COL21A1: variants seen among roughly 807,000 people sequenced by gnomAD.
COL21A1 encodes the protein collagen alpha-1(XXI) chain.
In COL21A1, 149 loss-of-function variants were observed where a neutral mutation model predicts 137.9. That is an observed-to-expected ratio of 1.08 (90% CI 0.95 to 1.24). The LOEUF is 1.24. Ranked by LOEUF, COL21A1 falls within the 50% of genes most tolerant of loss-of-function variation. COL21A1 has a pLI of 0.00. For missense variants in COL21A1, 1,167 were observed against 1,158.4 expected (o/e 1.01, Z -0.11); for synonymous variants, 456 against 391.5 (o/e 1.16, Z -1.95).
rs79553599 is a variant in COL21A1 at position 56,265,625 on chromosome 6, C to T, written c.-38-82969G>A. ...CCTTTACCTAAAGAAGACTCCATATCCCATGGTTCCCACTGGTGACAGATC... is the reference window on the plus strand; with the variant it reads ...CCTTTACCTAAAGAAGACTCCATATTCCATGGTTCCCACTGGTGACAGATC... On this transcript the variant is annotated intron_variant, in intron 1 of 28. Coordinates refer to the COL21A1 transcript ENST00000370819. 9.8e-4 allele frequency among the ~76,000 whole-genome samples: 150 copies of T among 152,314 alleles called. 3 individuals are homozygous for T. The highest frequency in any genetic ancestry group is 6.2e-3 in the East Asian group (32 of 5,176).
intron 1 of COL21A1, among the ~76,000 whole-genome samples, chr6:56,360,549 G>A (rs928934838): frequency 2.6e-5 from 4 of 152,118 alleles, no homozygotes; most frequent in African/African-American, 7.2e-5. Context: ...AGGTAAAAAC[G>A]TTTTTGCAAA....
intron 17 of COL21A1, among the ~76,000 whole-genome samples, chr6:56,079,603 A>G (rs999610386): frequency 1.3e-5 from 2 of 151,572 alleles, no homozygotes; most frequent in Non-Finnish European, 1.5e-5. Context: ...ACACTCTTTT[A>G]TCTGAGACAC....
intron 10 of COL21A1, among the ~76,000 whole-genome samples, chr6:56,143,496 G>A (rs772937359): frequency 3.9e-5 from 6 of 151,976 alleles, no homozygotes; most frequent in Admixed American, 1.3e-4. Flanking sequence ...CACTGCACCC[G>A]GCCGACTATA....
intron 1 of COL21A1, among the ~76,000 whole-genome samples, chr6:56,340,575 T>G (rs1383460965): frequency 6.6e-6 from 1 of 152,102 alleles, no homozygotes; most frequent in East Asian, 1.9e-4. Flanking sequence ...CATATATAAT[T>G]ATTTGAAGAC....
intron 16 of COL21A1, among the ~76,000 whole-genome samples, chr6:56,106,470 C>G (rs1191053884): frequency 1.3e-5 from 2 of 152,146 alleles, no homozygotes; most frequent in Non-Finnish European, 2.9e-5. Flanking sequence ...TCTCACTCCT[C>G]CACATCCCCA....
At chr6:56,260,513 GCAGTGAACC>G in intron 1 of COL21A1, among the ~76,000 whole-genome samples, 2 of 150,812 alleles carry the variant, frequency 1.3e-5, no homozygotes, top group Non-Finnish European at 3.0e-5. Flanking sequence ...GGTGGAGGTT[GCAGTGAACC>G]AAGACTGAGC....
chr6:56,350,770 G>C (rs1005199142), intron 1 of COL21A1, among the ~76,000 whole-genome samples: 1 of 152,132 alleles, frequency 6.6e-6, no homozygotes, highest in East Asian at 1.9e-4. Flanking sequence ...TAGTAACCTA[G>C]GGCCTTGGAC....
chr6:56,167,796 T>A (rs1223002563), intron 6 of COL21A1, among the ~76,000 whole-genome samples: 3 of 152,196 alleles, frequency 2.0e-5, no homozygotes, highest in Non-Finnish European at 2.9e-5. Flanking sequence ...CACTTACAGA[T>A]GAAACTATAT....
chr6:56,393,537 AAACAATC>A (rs1240799298), intron 1 of COL21A1, among the ~76,000 whole-genome samples: 17 of 152,270 alleles, frequency 1.1e-4, no homozygotes, highest in African/African-American at 3.4e-4. Flanking sequence ...ACAGCAAAGG[AAACAATC>A]AACAAAGTGG....
chr6:56,057,738 G>A lies in COL21A1; in HGVS notation c.2793C>T (p.Gly931=). The change falls in exon 30 of 30, where the codon GGC becomes GGT. Residue 931 remains glycine (G), a synonymous_variant. Transcript: ENST00000244728. The stretch of plus-strand genomic sequence containing the variant: ...GTGATGGGTCGCAGATGCCTGGGGG[G>A]CCTGGTTGCCCTTGGATTCCAGGTT... ...HGKPGIQGQP[G]PPGICDPSLC... is the part of the protein sequence containing the mutation. 1.2e-6 allele frequency: 2 copies of A among 1,612,546 alleles called. No individual in the cohort carries two copies. Among genetic ancestry groups the A allele is most frequent in the Non-Finnish European group, 1.7e-6 (2 of 1,179,358 alleles).
At chr6:56,067,050 T>A (rs1488583660) in intron 23 of COL21A1, among the ~76,000 whole-genome samples, 1 of 150,620 alleles carries the variant, frequency 6.6e-6, no homozygotes, top group African/African-American at 2.4e-5. Context: ...TAGAAGTATA[T>A]AATAAAATTT....
intron 1 of COL21A1, among the ~76,000 whole-genome samples, chr6:56,369,130 A>G (rs1338250504): frequency 6.6e-6 from 1 of 152,054 alleles, no homozygotes; most frequent in African/African-American, 2.4e-5. Flanking sequence ...TCCTAACTAT[A>G]GCCAAAAGAC....
intron 10 of COL21A1, among the ~76,000 whole-genome samples, chr6:56,156,632 G>GGAATAACTC (rs1182444250): frequency 7.9e-6 from 1 of 127,374 alleles, no homozygotes; most frequent in Non-Finnish European, 1.6e-5. Flanking sequence ...TGCAAACTGT[G>GGAATAACTC]GAATAACTCA....
At chr6:56,354,563 C>G (rs1353590822) in intron 1 of COL21A1, among the ~76,000 whole-genome samples, 1 of 152,096 alleles carries the variant, frequency 6.6e-6, no homozygotes, top group Non-Finnish European at 1.5e-5. Flanking sequence ...AAGAATTTAA[C>G]TTGAGCATTA....
rs574818707 is a variant in COL21A1, at chr6:56,358,933, T to TA, written c.-39+35037dup. On this transcript the variant is annotated intron_variant, in intron 1 of 28. Coordinates refer to the COL21A1 transcript ENST00000370819. Reference sequence around the variant, plus strand: ...TGGTGTATTTTCCCTTCCCAATGGTTAAAAAAAAAATTCCATTCAACAGAT... The same window carrying TA: ...TGGTGTATTTTCCCTTCCCAATGGTTAAAAAAAAAAATTCCATTCAACAGAT... Among the ~76,000 whole-genome samples the TA allele has an allele frequency of 5.1e-4, 77 of 150,528 alleles. 2 individuals carry two copies. Among genetic ancestry groups the TA allele is most frequent in the Admixed American group, 2.3e-3 (35 of 15,084 alleles).
intron 1 of COL21A1, among the ~76,000 whole-genome samples, chr6:56,383,007 C>G (rs907561808): frequency 5.3e-5 from 8 of 152,170 alleles, no homozygotes; most frequent in African/African-American, 1.7e-4. Context: ...ACTTCCTCCT[C>G]CTCCCAATTA....
chr6:56,147,527 G>A (rs1244542205), intron 10 of COL21A1, among the ~76,000 whole-genome samples: 8 of 151,696 alleles, frequency 5.3e-5, no homozygotes, highest in African/African-American at 7.3e-5. Context: ...ATCACCAACC[G>A]AGAACTCTAA....
chr6:56,115,044 C>T (rs536184974), intron 16 of COL21A1, among the ~76,000 whole-genome samples: 122 of 151,658 alleles, frequency 8.0e-4, no homozygotes, highest in African/African-American at 1.2e-3. Flanking sequence ...AGTAAACTAT[C>T]GCAAGAACAA....
chr6:56,060,501 T>G, intron 27 of COL21A1: 2 of 477,804 alleles, frequency 4.2e-6, no homozygotes, highest in Admixed American at 4.0e-5. Flanking sequence ...TATCAAAAAA[T>G]ATGCTACAAA....
Sources: allele counts gnomAD v4.1 joint callset (sites outside exome capture counted in the v4.1 genomes callset), GRCh38; gene constraint gnomAD v4.1.1; transcripts MANE v1.5; gene names NCBI Gene and HGNC (gene_info 2026-07-23, HGNC 2026-07-21).